Variants in TLL2 observed in about 807,000 individuals in gnomAD.
TLL2 encodes tolloid-like protein 2.
In TLL2, 106 loss-of-function variants were observed where a neutral mutation model predicts 123.0. The ratio of observed to expected loss-of-function variants is 0.86; its 90% confidence interval spans 0.74 to 1.01. TLL2 has a LOEUF of 1.01. TLL2 is among the 50% of genes least tolerant of loss of function. The pLI, the probability that TLL2 is intolerant of heterozygous loss-of-function variation, is 0.00. For missense variants in TLL2, 1,332 were observed against 1,336.7 expected (o/e 1.00, Z 0.06); for synonymous variants, 494 against 516.8 (o/e 0.96, Z 0.60).
chr10:96,490,770 A>G (rs1847404725), intron 1 of TLL2, among the ~76,000 whole-genome samples: 2 of 152,224 alleles, frequency 1.3e-5, no homozygotes, highest in Non-Finnish European at 2.9e-5. Context: ...AATCCCAGCT[A>G]TTCAAGGTGT....
At chr10:96,445,810 T>C (rs1389080761) in intron 3 of TLL2, among the ~76,000 whole-genome samples, 3 of 152,134 alleles carry the variant, frequency 2.0e-5, no homozygotes, top group Non-Finnish European at 4.4e-5. Context: ...GTGCTTCTAG[T>C]CCATCTCAGC....
intron 11 of TLL2, among the ~76,000 whole-genome samples, chr10:96,396,316 T>G (rs571191061): frequency 1.3e-5 from 2 of 152,270 alleles, no homozygotes; most frequent in East Asian, 3.9e-4. Flanking sequence ...GGGGCCACAC[T>G]CCCCAGAGGT....
intron 1 of TLL2, among the ~76,000 whole-genome samples, chr10:96,502,485 A>C (rs528529280): frequency 1.1e-4 from 17 of 152,286 alleles, no homozygotes; most frequent in Admixed American, 3.9e-4. Context: ...GGACGGGCTC[A>C]ATTTGGAAAC....
intron 2 of TLL2, among the ~76,000 whole-genome samples, chr10:96,467,805 C>A (rs1286152606): frequency 6.6e-6 from 1 of 151,846 alleles, no homozygotes; most frequent in Non-Finnish European, 1.5e-5. Flanking sequence ...TAAGAAAAAC[C>A]AAAAGGGGGA....
chr10:96,509,820 G>A (rs1175875405), intron 1 of TLL2, among the ~76,000 whole-genome samples: 1 of 152,176 alleles, frequency 6.6e-6, no homozygotes, highest in East Asian at 1.9e-4. Context: ...AGTGGCAGGC[G>A]CCTGTAGTCC....
chr10:96,411,710 T>A (rs942018644), intron 8 of TLL2, among the ~76,000 whole-genome samples: 1 of 152,222 alleles, frequency 6.6e-6, no homozygotes, highest in African/African-American at 2.4e-5. Flanking sequence ...TCCTTAGGCA[T>A]CTTTTCCTTA....
In TLL2 at chr10:96,420,972, G is replaced by C; in HGVS notation, c.907C>G (p.Arg303Gly). The C allele has an allele frequency of 6.2e-7, 1 of 1,614,008 alleles. No individual in the cohort carries two copies. Among genetic ancestry groups the C allele is most frequent in the African/African-American group, 1.3e-5 (1 of 75,030 alleles). Residue 303 changes from arginine to glycine, a missense_variant, in exon 7 of 21, where the codon CGG becomes GGG. Physicochemically the swap from Arg to Gly is moderately radical, Grantham distance 125. Transcript: ENST00000357947. The stretch of plus-strand genomic sequence containing the variant: ...GATTCCGACCTTGAGAAGGTGTTCC[G>C]GGCGTAGTGCATGATGCTGTCAAAG... ...YDFDSIMHYA[R>G]NTFSRGVFLD...
intron 3 of TLL2, among the ~76,000 whole-genome samples, chr10:96,439,275 G>GT (rs1395047360): frequency 2.7e-5 from 4 of 149,472 alleles, no homozygotes; most frequent in African/African-American, 9.9e-5. Context: ...TGATTTTTGT[G>GT]TTTTTAGTAG....
At chr10:96,460,504 G>A (rs543548187) in intron 2 of TLL2, among the ~76,000 whole-genome samples, 4 of 152,164 alleles carry the variant, frequency 2.6e-5, no homozygotes, top group African/African-American at 7.2e-5. Context: ...GTTGGAGGAG[G>A]GGCCTGGTGG....
chr10:96,385,527 G>A (rs2181324), intron 15 of TLL2, among the ~76,000 whole-genome samples: 16,083 of 152,174 alleles, frequency 0.11, 912 homozygotes, highest in South Asian at 0.15. Context: ...CTCAGCTGGG[G>A]TGGGGAGGGG....
chr10:96,507,820 G>A lies in TLL2; in HGVS notation c.175+5691C>T, dbSNP rs78714180. Among the ~76,000 whole-genome samples the A allele has an allele frequency of 5.6e-3, 852 of 152,286 alleles. 9 individuals are homozygous for A. Among genetic ancestry groups the A allele is most frequent in the Middle Eastern group, 0.017 (5 of 294 alleles). ...ACACCCTGCCCCATTGCATGCTGGTGTGTGAAATTGTGTAGAGAAGGTGGA... is the reference window on the plus strand; with the variant it reads ...ACACCCTGCCCCATTGCATGCTGGTATGTGAAATTGTGTAGAGAAGGTGGA... On this transcript the variant is annotated intron_variant, in intron 1 of 20. Coordinates refer to ENST00000357947, the MANE Select transcript of TLL2 (RefSeq NM_012465.4).
chr10:96,460,559 A>G (rs1168392556), intron 2 of TLL2, among the ~76,000 whole-genome samples: 1 of 152,100 alleles, frequency 6.6e-6, no homozygotes, highest in African/African-American at 2.4e-5. Context: ...TGCTGTTCTC[A>G]TGATAGTGAG....
chr10:96,459,345 A>T (rs916046114), intron 2 of TLL2, among the ~76,000 whole-genome samples: 1 of 152,136 alleles, frequency 6.6e-6, no homozygotes, highest in East Asian at 1.9e-4. Flanking sequence ...TAAAACATAT[A>T]AGGCCGGATG....
chr10:96,375,589 A>G (rs910801313), intron 18 of TLL2, among the ~76,000 whole-genome samples: 1 of 152,176 alleles, frequency 6.6e-6, no homozygotes, highest in African/African-American at 2.4e-5. Flanking sequence ...GACCCGGGAT[A>G]CCAGCTCTTA....
chr10:96,497,516 G>A (rs867135028), intron 1 of TLL2, among the ~76,000 whole-genome samples: 1 of 152,144 alleles, frequency 6.6e-6, no homozygotes, highest in Admixed American at 6.5e-5. Context: ...CAACCAGGAA[G>A]AGATCTTGGC....
At chr10:96,503,608 TGAG>T (rs1847554001) in intron 1 of TLL2, among the ~76,000 whole-genome samples, 2 of 152,114 alleles carry the variant, frequency 1.3e-5, no homozygotes, top group Non-Finnish European at 2.9e-5. Flanking sequence ...CCTGTGGAGG[TGAG>T]GAGAGTGGTT....
chr10:96,379,617 T>C (rs541337114), intron 16 of TLL2, among the ~76,000 whole-genome samples: 30 of 151,844 alleles, frequency 2.0e-4, no homozygotes, highest in African/African-American at 7.3e-4. Context: ...AGGTTGGGAG[T>C]TCGAGACCAG....
intron 7 of TLL2, among the ~76,000 whole-genome samples, chr10:96,419,826 T>C (rs868165818): frequency 6.6e-6 from 1 of 152,176 alleles, no homozygotes; most frequent in Non-Finnish European, 1.5e-5. Context: ...AAGAGCCATA[T>C]GTTTTCTGAG....
At position 96,472,787 on chromosome 10, in the gene TLL2, A is replaced by C. The variant is rs572264271; in HGVS notation, c.286+7562T>G. On this transcript the variant is annotated intron_variant, in intron 2 of 20. Coordinates refer to ENST00000357947, the MANE Select transcript of TLL2 (RefSeq NM_012465.4). ...AAAAAGAAAAAAAAGCTTCAAAGTT[A>C]AAAATATGCTGGGAACAGAAACATG... 3.9e-5 allele frequency among the ~76,000 whole-genome samples: 6 copies of C among 152,262 alleles called. No individual in the cohort carries two copies. In the South Asian group the frequency reaches 1.2e-3, roughly 32 times the overall value.
Sources: gnomAD v4.1 joint callset for allele counts (sites outside exome capture counted in the v4.1 genomes callset) on GRCh38, gnomAD v4.1.1 for gene constraint, MANE v1.5 for transcripts, NCBI Gene and HGNC (gene_info 2026-07-23, HGNC 2026-07-21) for gene names.